Variants in USP47 observed in about 807,000 individuals in gnomAD.
USP47 encodes ubiquitin specific peptidase 47, also known as ubiquitin carboxyl-terminal hydrolase 47.
In USP47, 35 loss-of-function variants were observed where a neutral mutation model predicts 165.1. That is an observed-to-expected ratio of 0.21 (90% CI 0.16 to 0.28). The LOEUF is 0.28. Among genes scored for constraint, USP47 ranks in the 10% least tolerant of loss-of-function variants. The probability of loss-of-function intolerance (pLI) is 1.00; values close to 1 mark genes in which losing one functional copy is unlikely to be tolerated. For missense variants in USP47, 1,277 were observed against 1,607.4 expected (o/e 0.79, Z 3.52); for synonymous variants, 531 against 544.5 (o/e 0.98, Z 0.35).
chr11:11,927,480 C>T (rs571578496), intron 11 of USP47, among the ~76,000 whole-genome samples: 3 of 152,126 alleles, frequency 2.0e-5, no homozygotes, highest in Non-Finnish European at 2.9e-5. Flanking sequence ...TGAGTAGTTG[C>T]GACAGAAACC....
rs1848597765 is a variant in USP47 at position 11,849,252 on chromosome 11, G to A, written c.39+7028G>A. 2.6e-5 allele frequency among the ~76,000 whole-genome samples: 4 copies of A among 152,184 alleles called. 1 individual carries two copies. The South Asian group carries it at 8.3e-4, about 32-fold the overall frequency. Reference sequence around the variant, plus strand: ...TAATGACTCCATTTTCACCATGTTAGCTAGGCCAGAGTTAGTAATTTTTAA... The same window carrying A: ...TAATGACTCCATTTTCACCATGTTAACTAGGCCAGAGTTAGTAATTTTTAA... On this transcript the variant is annotated intron_variant, in intron 1 of 27. Transcript: ENST00000527733.
chr11:11,959,766 T>A lies in USP47; in HGVS notation c.*3591T>A, dbSNP rs1186009776. ...CCCTTCCCCATCACAGCACTGCCCC[T>A]TTCCACCTCCTCACCAGCTCACCTG... On this transcript the variant is annotated 3_prime_UTR_variant, in exon 28 of 28. Coordinates refer to ENST00000527733, the MANE Select transcript of USP47 (RefSeq NM_001282659.2). Among the ~76,000 whole-genome samples the A allele has an allele frequency of 6.6e-6, 1 of 152,084 alleles. No homozygotes were observed. Among genetic ancestry groups the A allele is most frequent in the Non-Finnish European group, 1.5e-5 (1 of 68,008 alleles).
intron 5 of USP47, among the ~76,000 whole-genome samples, chr11:11,901,707 C>T (rs1852237828): frequency 6.6e-6 from 1 of 151,928 alleles, no homozygotes; most frequent in South Asian, 2.1e-4. Context: ...GCTTGTAATC[C>T]CAGCACTTTG....
At chr11:11,881,692 G>C (rs1392639950) in intron 2 of USP47, among the ~76,000 whole-genome samples, 1 of 151,860 alleles carries the variant, frequency 6.6e-6, no homozygotes, top group East Asian at 1.9e-4. Flanking sequence ...GTCATCATTT[G>C]ACCTAATCTT....
intron 1 of USP47, among the ~76,000 whole-genome samples, chr11:11,863,142 T>C (rs1272583601): frequency 6.6e-6 from 1 of 152,216 alleles, no homozygotes; most frequent in Non-Finnish European, 1.5e-5. Context: ...AGAGATTGTT[T>C]ATTAGAAAGG....
chr11:11,888,551 C>T (rs1391991517), intron 3 of USP47, among the ~76,000 whole-genome samples: 1 of 152,012 alleles, frequency 6.6e-6, no homozygotes, highest in Admixed American at 6.6e-5. Context: ...GAAATTGAGG[C>T]AGTAATATAT....
chr11:11,877,786 TCTTTCTC>T lies in USP47; in HGVS notation c.40-2390_40-2384del, dbSNP rs1373084907. Among the ~76,000 whole-genome samples the T allele has an allele frequency of 1.9e-3, 251 of 130,182 alleles. 1 individual carries two copies. The highest frequency in any genetic ancestry group is 7.6e-3 in the African/African-American group (240 of 31,520). The allele number at this position is 130,182 out of a possible 152,430, so 85.4% of individuals were successfully genotyped here. ...TAGCCTTTCTCTCTCTCTCTCTCTC[TCTTTCTC>T]TCTCTCTCTCTCTGTGTGTGTGTGT... On this transcript the variant is annotated intron_variant, in intron 1 of 27. Transcript: ENST00000527733.
chr11:11,938,520 C>A, intron 18 of USP47, 148 bp downstream of exon 18: 1 of 629,508 alleles, frequency 1.6e-6, no homozygotes, highest in Non-Finnish European at 2.7e-6. Flanking sequence ...TTAAAAGAAA[C>A]AGATTGAGTA....
At chr11:11,862,676 CTT>C (rs1018411070) in intron 1 of USP47, among the ~76,000 whole-genome samples, 2 of 151,898 alleles carry the variant, frequency 1.3e-5, no homozygotes, top group African/African-American at 2.4e-5. Context: ...GCTAAGAAGA[CTT>C]TTCTCTTCTT....
chr11:11,943,165 A>G, intron 20 of USP47, 53 bp downstream of exon 20: 2 of 1,532,610 alleles, frequency 1.3e-6, no homozygotes, highest in Admixed American at 2.2e-5. Context: ...TTTTTCTCTC[A>G]GTTTATTTAA....
chr11:11,909,869 G>A (rs572695832), intron 8 of USP47, among the ~76,000 whole-genome samples: 27 of 152,232 alleles, frequency 1.8e-4, no homozygotes, highest in African/African-American at 6.0e-4. Flanking sequence ...GAAATCAAAA[G>A]CATTTCAACT....
At chr11:11,953,192 C>T (rs1450768938) in intron 25 of USP47, among the ~76,000 whole-genome samples, 1 of 152,012 alleles carries the variant, frequency 6.6e-6, no homozygotes, top group Non-Finnish European at 1.5e-5. Flanking sequence ...GAGTGAATTG[C>T]TTTATGTCTA....
intron 1 of USP47, among the ~76,000 whole-genome samples, chr11:11,866,972 A>C (rs566312491): frequency 4.5e-4 from 68 of 152,188 alleles, no homozygotes; most frequent in African/African-American, 1.5e-3. Flanking sequence ...ATCTTGGCTC[A>C]CTGCAACTTC....
chr11:11,908,178 TTATTG>T (rs1400736873), intron 8 of USP47, among the ~76,000 whole-genome samples: 1 of 152,244 alleles, frequency 6.6e-6, no homozygotes, highest in Non-Finnish European at 1.5e-5. Context: ...TATATTCTGT[TTATTG>T]TATGTTTTGT....
intron 1 of USP47, among the ~76,000 whole-genome samples, chr11:11,853,199 G>A (rs1848824794): frequency 6.6e-6 from 1 of 151,728 alleles, no homozygotes; most frequent in Admixed American, 6.6e-5. Flanking sequence ...CAAAAACAGG[G>A]GTTGTAAAAA....
intron 25 of USP47, among the ~76,000 whole-genome samples, chr11:11,954,094 A>G (rs1375478424): frequency 6.6e-6 from 1 of 151,980 alleles, no homozygotes; most frequent in Non-Finnish European, 1.5e-5. Flanking sequence ...TACTAAAAAT[A>G]CAAAAATTAG....
At chr11:11,864,325 A>G (rs1189953317) in intron 1 of USP47, among the ~76,000 whole-genome samples, 1 of 152,084 alleles carries the variant, frequency 6.6e-6, no homozygotes, top group African/African-American at 2.4e-5. Context: ...CCACAAATTT[A>G]TGGAGTTAAG....
At chr11:11,914,219 G>A (rs1355895248) in intron 8 of USP47, among the ~76,000 whole-genome samples, 2 of 152,044 alleles carry the variant, frequency 1.3e-5, no homozygotes, top group African/African-American at 4.8e-5. Flanking sequence ...AAATAGATCC[G>A]TGGAGTAGAA....
chr11:11,929,613 G>GAT (rs773187242), intron 12 of USP47, 48 bp downstream of exon 12: 1 of 1,595,878 alleles, frequency 6.3e-7, no homozygotes, highest in Non-Finnish European at 8.5e-7. Flanking sequence ...TGGGAGTAAG[G>GAT]ATGTTTCTAA....
Sources: gnomAD v4.1 joint callset for allele counts (sites outside exome capture counted in the v4.1 genomes callset) on GRCh38, gnomAD v4.1.1 for gene constraint, MANE v1.5 for transcripts, NCBI Gene and HGNC (gene_info 2026-07-23, HGNC 2026-07-21) for gene names.